The following POU6F2 variants were observed in gnomAD, a reference collection of about 807,000 sequenced individuals.
POU6F2 encodes POU domain, class 6, transcription factor 2.
Under a neutral mutation model 71.3 loss-of-function variants are expected in POU6F2, and 31 were observed. That is an observed-to-expected ratio of 0.43 (90% CI 0.33 to 0.59). POU6F2 has a LOEUF of 0.59. POU6F2 is among the 20% of genes least tolerant of loss of function. The pLI is 0.04. For synonymous variants in POU6F2, 347 were observed against 355.7 expected, an observed-to-expected ratio of 0.98 and a Z score of 0.27; for missense variants, 783 against 856.8, an observed-to-expected ratio of 0.91 and a Z score of 1.07.
chr7:39,417,477 C>T (rs950434022), intron 6 of POU6F2, among the ~76,000 whole-genome samples: 1 of 152,194 alleles, frequency 6.6e-6, no homozygotes, highest in Non-Finnish European at 1.5e-5. Flanking sequence ...CCATTTGTCT[C>T]ATCAACTAAG....
chr7:39,218,336 TG>T (rs2128747908), intron 4 of POU6F2, among the ~76,000 whole-genome samples: 1 of 152,116 alleles, frequency 6.6e-6, no homozygotes, highest in East Asian at 1.9e-4. Context: ...GAGGGAAGTG[TG>T]GGGACAGAGA....
At chr7:39,297,854 G>A (rs4723844) in intron 4 of POU6F2, among the ~76,000 whole-genome samples, 69,580 of 151,980 alleles carry the variant, frequency 0.46, 16,758 homozygotes, top group Admixed American at 0.59. Flanking sequence ...AACACCACAC[G>A]TCGACAACCA....
intron 4 of POU6F2, among the ~76,000 whole-genome samples, chr7:39,296,228 A>G (rs1158538041): frequency 1.3e-5 from 2 of 152,204 alleles, no homozygotes; most frequent in Admixed American, 6.5e-5. Flanking sequence ...TTAGATGCTC[A>G]TTAATTACAG....
intron 4 of POU6F2, among the ~76,000 whole-genome samples, chr7:39,332,023 G>A (rs1441205113): frequency 6.6e-6 from 1 of 152,026 alleles, no homozygotes; most frequent in African/African-American, 2.4e-5. Flanking sequence ...TCTTCTTTAG[G>A]AAGTGGCTAG....
At chr7:39,365,757 A>G (rs1562804130) in intron 5 of POU6F2, among the ~76,000 whole-genome samples, 1 of 152,242 alleles carries the variant, frequency 6.6e-6, no homozygotes, top group African/African-American at 2.4e-5. Flanking sequence ...TCAATGGCTA[A>G]GAGTGAGAAT....
chr7:39,337,704 G>A (rs1237255711), intron 4 of POU6F2, among the ~76,000 whole-genome samples: 1 of 152,086 alleles, frequency 6.6e-6, no homozygotes, highest in African/African-American at 2.4e-5. Context: ...CCCAAGTTAC[G>A]TTCATATATG....
At chr7:39,200,485 T>C (rs911385644) in intron 2 of POU6F2, among the ~76,000 whole-genome samples, 2 of 152,232 alleles carry the variant, frequency 1.3e-5, no homozygotes, top group Non-Finnish European at 2.9e-5. Flanking sequence ...CAACTCTATA[T>C]GTAAACATCT....
At chr7:39,331,467 G>A (rs1224846585) in intron 4 of POU6F2, among the ~76,000 whole-genome samples, 2 of 151,932 alleles carry the variant, frequency 1.3e-5, no homozygotes, top group African/African-American at 2.4e-5. Flanking sequence ...CCATTTTAAC[G>A]GAGTGAGGTG....
At chr7:39,461,427 C>G (rs1326609100) in intron 9 of POU6F2, among the ~76,000 whole-genome samples, 1 of 152,112 alleles carries the variant, frequency 6.6e-6, no homozygotes, top group African/African-American at 2.4e-5. Flanking sequence ...TTGCACTAAT[C>G]CCATGTTTAT....
chr7:39,161,941 G>A (rs936797420), intron 2 of POU6F2, among the ~76,000 whole-genome samples: 5 of 152,136 alleles, frequency 3.3e-5, no homozygotes, highest in African/African-American at 1.2e-4. Context: ...CACCTGCATG[G>A]TAGAGTAACG....
chr7:39,424,241 G>A (rs1042358695), intron 6 of POU6F2, among the ~76,000 whole-genome samples: 1 of 152,108 alleles, frequency 6.6e-6, no homozygotes, highest in Non-Finnish European at 1.5e-5. Flanking sequence ...AAGTTTGGGG[G>A]AACATAAATC....
At chr7:39,180,080 A>G (rs561274983) in intron 2 of POU6F2, among the ~76,000 whole-genome samples, 37 of 152,296 alleles carry the variant, frequency 2.4e-4, no homozygotes, top group African/African-American at 7.5e-4. Context: ...TCCCCAGAAG[A>G]GTAAATTCTG....
Position 39,086,007 on chromosome 7 carries a change from G to A in POU6F2, c.253G>A (p.Glu85Lys), listed in dbSNP as rs1584535338. ...LLAPVESNDSEDTPSKLFGAR... is the reference protein window; with the variant it reads ...LLAPVESNDSKDTPSKLFGAR... ...TGCGCCTGTGGAATCAAATGACAGC[G>A]AGGACACTCCCAGCAAGCTCTTCGG... Residue 85 changes from glutamate (E) to lysine (K), a missense_variant, in exon 2 of 10, where the codon GAG (glutamate) becomes AAG (lysine). Physicochemically the swap from Glu to Lys is moderately conservative, Grantham distance 56. Transcript: ENST00000518318. 2.5e-6 allele frequency: 4 copies of A among 1,613,532 alleles called. No homozygotes were observed. Among genetic ancestry groups the A allele is most frequent in the South Asian group, 1.1e-5 (1 of 91,056 alleles).
Position 39,197,153 on chromosome 7 carries a change from G to A in POU6F2, c.278-7082G>A, listed in dbSNP as rs368674865. On this transcript the variant is annotated intron_variant, in intron 2 of 9. Transcript: ENST00000518318. ...GAGTTTCCTCACCTCCCCAGGACAG[G>A]ACGGGCTCTGGCTGCCCACTCTCTG... is the stretch of plus-strand genomic sequence containing the variant. Among the ~76,000 whole-genome samples, 3 of 152,198 alleles carry A rather than the reference G, an allele frequency of 2.0e-5. No homozygotes were observed. The South Asian group carries it at 6.2e-4, about 32-fold the overall frequency.
intron 2 of POU6F2, among the ~76,000 whole-genome samples, chr7:39,127,111 T>C (rs1446343043): frequency 1.3e-5 from 2 of 152,246 alleles, no homozygotes; most frequent in Non-Finnish European, 2.9e-5. Context: ...TAGATAAAAA[T>C]GTAAAGATTA....
intron 4 of POU6F2, among the ~76,000 whole-genome samples, chr7:39,252,033 G>T (rs1447414349): frequency 6.6e-6 from 1 of 152,030 alleles, no homozygotes; most frequent in African/African-American, 2.4e-5. Flanking sequence ...GTTCCTGTCC[G>T]CCCAATTTCT....
At chr7:39,302,034 A>G (rs927370438) in intron 4 of POU6F2, among the ~76,000 whole-genome samples, 1 of 152,144 alleles carries the variant, frequency 6.6e-6, no homozygotes, top group Non-Finnish European at 1.5e-5. Flanking sequence ...AGCAGTTACA[A>G]CCCGCTTATT....
At chr7:39,255,324 A>C (rs893936788) in intron 4 of POU6F2, among the ~76,000 whole-genome samples, 2 of 152,248 alleles carry the variant, frequency 1.3e-5, no homozygotes, top group Non-Finnish European at 2.9e-5. Context: ...AGACCAAAAC[A>C]GGAAAATTTA....
intron 4 of POU6F2, among the ~76,000 whole-genome samples, chr7:39,277,714 G>T (rs1461552828): frequency 6.6e-6 from 1 of 152,032 alleles, no homozygotes; most frequent in Non-Finnish European, 1.5e-5. Flanking sequence ...CACCGAAGTG[G>T]TTAGGGGGAA....
Sources: gnomAD v4.1 joint callset for allele counts (sites outside exome capture counted in the v4.1 genomes callset) on GRCh38, gnomAD v4.1.1 for gene constraint, MANE v1.5 for transcripts, NCBI Gene and HGNC (gene_info 2026-07-23, HGNC 2026-07-21) for gene names.